KCNC2: variants seen among roughly 807,000 people sequenced by gnomAD.
The protein encoded by KCNC2 is voltage-gated potassium channel KCNC2.
A neutral mutation model predicts 44.5 loss-of-function variants in KCNC2; 21 were observed. That is an observed-to-expected ratio of 0.47 (90% confidence interval 0.33 to 0.68). The LOEUF (loss-of-function observed/expected upper bound fraction) is 0.68, where lower values mean the gene tolerates loss of function less well. Among genes scored for constraint, KCNC2 ranks in the 30% least tolerant of loss-of-function variants. KCNC2 has a pLI of 0.01. For missense variants in KCNC2, 589 were observed against 826.2 expected, an observed-to-expected ratio of 0.71 and a Z score of 3.52; for synonymous variants, 391 against 339.1, an observed-to-expected ratio of 1.15 and a Z score of -1.68.
chr12:75,061,263 G>A (rs932991013), intron 2 of KCNC2, among the ~76,000 whole-genome samples: 11 of 151,822 alleles, frequency 7.2e-5, no homozygotes, highest in African/African-American at 2.4e-4. Context: ...TTTTTAAGAA[G>A]GTTCATGAAA....
At chr12:75,182,863 TG>T (rs1892698287) in intron 2 of KCNC2, among the ~76,000 whole-genome samples, 1 of 152,246 alleles carries the variant, frequency 6.6e-6, no homozygotes, top group African/African-American at 2.4e-5. Flanking sequence ...ACCAAAATTC[TG>T]CTATTCCTAG....
At chr12:75,070,374 C>T (rs1031685695) in intron 2 of KCNC2, among the ~76,000 whole-genome samples, 1 of 148,750 alleles carries the variant, frequency 6.7e-6, no homozygotes, top group Non-Finnish European at 1.5e-5. Flanking sequence ...TCACTTGAAC[C>T]CAGGAGGCCG....
chr12:75,204,256 A>G (rs917904132), intron 2 of KCNC2, among the ~76,000 whole-genome samples: 6 of 152,060 alleles, frequency 3.9e-5, no homozygotes, highest in African/African-American at 1.4e-4. Flanking sequence ...GACCCCTCAT[A>G]TACGTATTTA....
chr12:75,074,096 A>G (rs1883676454), intron 2 of KCNC2, among the ~76,000 whole-genome samples: 1 of 152,178 alleles, frequency 6.6e-6, no homozygotes, highest in African/African-American at 2.4e-5. Context: ...TAGAGTTTAA[A>G]ATGATGGTTG....
chr12:75,186,616 T>C (rs894041828), intron 2 of KCNC2, among the ~76,000 whole-genome samples: 1 of 152,200 alleles, frequency 6.6e-6, no homozygotes, highest in Admixed American at 6.5e-5. Context: ...ATAAACTTTC[T>C]TTTATTTCCT....
Position 75,197,182 on chromosome 12 carries a change from C to G in KCNC2, c.687+10115G>C, listed in dbSNP as rs377223856. On this transcript the variant is annotated intron_variant, in intron 2 of 4. Coordinates refer to ENST00000549446, the MANE Select transcript of KCNC2 (RefSeq NM_139137.4). ...TTTAAGTAAACTGATAAAACAGTGT[C>G]CATTGCTGTCCTGGACTGAGAGTCT... Among the ~76,000 whole-genome samples, 12 of 152,118 alleles carry G rather than the reference C, an allele frequency of 7.9e-5. 1 individual carries two copies. Among genetic ancestry groups the G allele is most frequent in the African/African-American group, 2.9e-4 (12 of 41,538 alleles).
intron 2 of KCNC2, among the ~76,000 whole-genome samples, chr12:75,186,442 T>C (rs1892956359): frequency 6.6e-6 from 1 of 152,194 alleles, no homozygotes; most frequent in African/African-American, 2.4e-5. Context: ...ACTCTTTTCA[T>C]AAATATTTTT....
In KCNC2 at chr12:75,050,958, C is replaced by T; in HGVS notation, c.1047G>A (p.Val349=). Residue 349 remains valine (V), a synonymous_variant, in exon 3 of 5, where the codon GTG becomes GTA. Transcript: ENST00000549446. ...TTCTCAGGATCCTCACAAACCTTAC[C>T]ACCCTGAGGAAGCCAAGCACATCTT... ...AAKDVLGFLR[V]VRFVRILRIF... is the part of the protein sequence containing the mutation. The T allele has an allele frequency of 6.2e-7, 1 of 1,613,706 alleles. No individual in the cohort carries two copies. The highest frequency in any genetic ancestry group is 8.5e-7 in the Non-Finnish European group (1 of 1,179,874).
At chr12:75,060,843 T>A (rs1307731575) in intron 2 of KCNC2, among the ~76,000 whole-genome samples, 1 of 152,098 alleles carries the variant, frequency 6.6e-6, no homozygotes, top group African/African-American at 2.4e-5. Context: ...GATATGAATA[T>A]CACCTCTCCT....
chr12:75,166,491 C>G (rs1891461370), intron 2 of KCNC2, among the ~76,000 whole-genome samples: 1 of 150,182 alleles, frequency 6.7e-6, no homozygotes, highest in African/African-American at 2.4e-5. Context: ...AAACATTCCA[C>G]CAACATCAGC....
intron 2 of KCNC2, among the ~76,000 whole-genome samples, chr12:75,184,009 A>C (rs114800121): frequency 0.012 from 1,830 of 152,060 alleles, 27 homozygotes; most frequent in African/African-American, 0.041. Context: ...GCTCACAAAC[A>C]TTCTCACCCC....
intron 2 of KCNC2, among the ~76,000 whole-genome samples, chr12:75,199,967 C>T (rs2031100916): frequency 6.6e-6 from 1 of 151,722 alleles, no homozygotes; most frequent in African/African-American, 2.4e-5. Flanking sequence ...TGGTTAAGTG[C>T]ATAAGCAGGC....
At chr12:75,100,288 T>C (rs1886271361) in intron 2 of KCNC2, among the ~76,000 whole-genome samples, 1 of 152,080 alleles carries the variant, frequency 6.6e-6, no homozygotes, top group Non-Finnish European at 1.5e-5. Context: ...CCCTTATTTA[T>C]AGATTTTCTA....
chr12:75,120,982 C>T (rs529576650), intron 2 of KCNC2, among the ~76,000 whole-genome samples: 3 of 152,144 alleles, frequency 2.0e-5, no homozygotes, highest in Non-Finnish European at 4.4e-5. Context: ...CAATATAGGG[C>T]AACTTTCCAA....
chr12:75,176,126 A>G (rs1892165804), intron 2 of KCNC2, among the ~76,000 whole-genome samples: 1 of 152,104 alleles, frequency 6.6e-6, no homozygotes, highest in African/African-American at 2.4e-5. Flanking sequence ...TTCAAAGATC[A>G]GGAAGTGTAA....
chr12:75,053,701 C>T (rs1881432177), intron 2 of KCNC2, among the ~76,000 whole-genome samples: 1 of 149,004 alleles, frequency 6.7e-6, no homozygotes. Context: ...ATTCCATTTT[C>T]AAATATTCTT....
chr12:75,059,288 T>C (rs1882065252), intron 2 of KCNC2, among the ~76,000 whole-genome samples: 1 of 152,150 alleles, frequency 6.6e-6, no homozygotes, highest in Admixed American at 6.6e-5. Context: ...GTCTAGGGAC[T>C]CCTAGTAGCC....
intron 2 of KCNC2, among the ~76,000 whole-genome samples, chr12:75,094,828 T>C (rs541535889): frequency 6.6e-6 from 1 of 151,774 alleles, no homozygotes; most frequent in South Asian, 2.1e-4. Flanking sequence ...TGACAAAAAC[T>C]TACTGCCTCT....
At chr12:75,048,780 A>C (rs1314624963) in intron 3 of KCNC2, among the ~76,000 whole-genome samples, 5 of 152,026 alleles carry the variant, frequency 3.3e-5, no homozygotes, top group African/African-American at 1.2e-4. Context: ...TGTGTCCAAA[A>C]CTCTTAATAA....
Sources: allele counts gnomAD v4.1 joint callset (sites outside exome capture counted in the v4.1 genomes callset), GRCh38; gene constraint gnomAD v4.1.1; transcripts MANE v1.5; gene names NCBI Gene and HGNC (gene_info 2026-07-23, HGNC 2026-07-21).